ADGRF5: variants seen among roughly 807,000 people sequenced by gnomAD.
ADGRF5 encodes adhesion G protein-coupled receptor F5, also known as G-protein coupled receptor 116.
Under a neutral mutation model 132.3 loss-of-function variants are expected in ADGRF5, and 75 were observed. The observed-to-expected ratio is 0.57, with a 90% confidence interval of 0.47 to 0.69. The LOEUF (loss-of-function observed/expected upper bound fraction) is 0.69. Among genes scored for constraint, ADGRF5 ranks in the 30% least tolerant of loss-of-function variants. ADGRF5 has a pLI of 0.00. For synonymous variants in ADGRF5, 629 were observed against 597.6 expected, an observed-to-expected ratio of 1.05 and a Z score of -0.77; for missense variants, 1,516 against 1,630.6, an observed-to-expected ratio of 0.93 and a Z score of 1.21.
intron 9 of ADGRF5, among the ~76,000 whole-genome samples, chr6:46,879,454 C>G (rs966213865): frequency 6.6e-6 from 1 of 151,908 alleles, no homozygotes; most frequent in Non-Finnish European, 1.5e-5. Flanking sequence ...GGTTTAAAAC[C>G]AGATGTTTGA....
intron 1 of ADGRF5, among the ~76,000 whole-genome samples, chr6:46,918,211 T>C (rs570070324): frequency 2.0e-5 from 3 of 152,320 alleles, no homozygotes; most frequent in South Asian, 2.1e-4. Context: ...TTAGCTAATA[T>C]GTATATTTAA....
At chr6:46,947,948 T>C (rs954522048) in intron 1 of ADGRF5, among the ~76,000 whole-genome samples, 2 of 152,086 alleles carry the variant, frequency 1.3e-5, no homozygotes, top group East Asian at 1.9e-4. Flanking sequence ...GGGGTGGTGA[T>C]GGGGCTGTGG....
At position 46,856,900 on chromosome 6, in the gene ADGRF5, G is replaced by A. The variant is rs1191692851; in HGVS notation, c.3783C>T (p.Phe1261=). The A allele has an allele frequency of 2.5e-6, 4 of 1,605,812 alleles. No individual in the cohort carries two copies. Among genetic ancestry groups the A allele is most frequent in the Non-Finnish European group, 3.4e-6 (4 of 1,174,512 alleles). The change falls in exon 18 of 21, where the codon TTC becomes TTT. Residue 1261 remains phenylalanine (F), a synonymous_variant. Transcript: ENST00000283296. ...CCCAGAGGCATCCAAAGAGTAAAATGAATAATCCCTGAGAAAAAAAAGATT... is the reference window on the plus strand; with the variant it reads ...CCCAGAGGCATCCAAAGAGTAAAATAAATAATCCCTGAGAAAAAAAAGATT... ...FAILNVFQGL[F]ILLFGCLWDL...
chr6:46,875,313 C>A (rs1255040541), intron 10 of ADGRF5, among the ~76,000 whole-genome samples: 1 of 152,168 alleles, frequency 6.6e-6, no homozygotes, highest in African/African-American at 2.4e-5. Flanking sequence ...GTACTGAATG[C>A]AGCTAATAAG....
In ADGRF5 at chr6:46,868,851, C is replaced by T. The variant is rs372458817; in HGVS notation, c.1621+32G>A. 26 of 1,384,402 alleles carry T rather than the reference C, an allele frequency of 1.9e-5. No individual in the cohort carries two copies. In the African/African-American group the frequency reaches 2.1e-4, roughly 11 times the overall value. 85.8% of individuals were successfully genotyped at this position (1,384,402 alleles called of 1,614,324 possible). ...TATTGCATGTTTCCAAGAGCCCAGG[C>T]AGCACAATACGGTGTCCGGCCTTTC... On this transcript the variant is annotated intron_variant, in intron 12 of 20. Coordinates refer to ENST00000283296, the MANE Select transcript of ADGRF5 (RefSeq NM_001098518.2).
rs1768741728 is a variant in ADGRF5, at chr6:46,853,885, C to T, written c.*107G>A. The T allele has an allele frequency of 8.2e-6, 6 of 732,164 alleles. No homozygotes were observed. Among genetic ancestry groups the T allele is most frequent in the South Asian group, 1.7e-5 (1 of 59,310 alleles). The allele number at this position is 732,164 out of a possible 1,614,324, so 45.4% of individuals were successfully genotyped here. A position where few individuals can be genotyped will look rare whatever the true frequency, so the allele number is the denominator to read the frequency against. ...TGAAAAAGTCTTTTTGGCATCTGCT[C>T]CCGGAAACCTGCCCCGAGAACACGT... On this transcript the variant is annotated 3_prime_UTR_variant, in exon 21 of 21. Coordinates refer to ENST00000283296, the MANE Select transcript of ADGRF5 (RefSeq NM_001098518.2).
intron 11 of ADGRF5, among the ~76,000 whole-genome samples, chr6:46,871,466 A>G (rs1172701855): frequency 6.6e-6 from 1 of 152,112 alleles, no homozygotes; most frequent in Non-Finnish European, 1.5e-5. Flanking sequence ...CAAGAATGGG[A>G]GAATGAAGTA....
intron 16 of ADGRF5, 99 bp downstream of exon 16, chr6:46,860,606 TGGAAAAGACA>T: frequency 1.3e-6 from 1 of 743,282 alleles, no homozygotes; most frequent in Non-Finnish European, 2.3e-6. Flanking sequence ...AGCACTGCTC[TGGAAAAGACA>T]GAGAAGCTGC....
At chr6:46,888,601 C>T (rs766377194) in intron 3 of ADGRF5, 96 bp from the exon 4 acceptor site, 12 of 816,196 alleles carry the variant, frequency 1.5e-5, no homozygotes, top group Non-Finnish European at 2.3e-5. Context: ...ATGACAGGTA[C>T]ATGTGAATGG....
intron 1 of ADGRF5, among the ~76,000 whole-genome samples, chr6:46,911,827 G>A (rs906537576): frequency 2.0e-5 from 3 of 151,954 alleles, no homozygotes; most frequent in Admixed American, 6.6e-5. Context: ...ACAAGACAAC[G>A]GTCCCTGTCT....
chr6:46,948,955 C>T (rs1208074408), intron 1 of ADGRF5, among the ~76,000 whole-genome samples: 1 of 152,154 alleles, frequency 6.6e-6, no homozygotes, highest in Admixed American at 6.5e-5. Context: ...GAGGAAATTC[C>T]CAGGGCCATG....
chr6:46,883,618 C>G lies in ADGRF5; in HGVS notation c.553G>C (p.Asp185His), dbSNP rs1772733145. 1 of 1,606,038 alleles carries G rather than the reference C, an allele frequency of 6.2e-7. No individual in the cohort carries two copies. ...RVRLNVGFQE[D>H]LMNTSSALYR... is the part of the protein sequence containing the mutation. Reference sequence around the variant, plus strand: ...AGGGCGGAGGAAGTGTTCATGAGGTCTTCTTGAAAGCCTACATTTAGTCTG... The same window carrying G: ...AGGGCGGAGGAAGTGTTCATGAGGTGTTCTTGAAAGCCTACATTTAGTCTG... Residue 185 changes from aspartate to histidine, a missense_variant, in exon 6 of 21, where the codon GAC becomes CAC. By Grantham distance (81) the Asp-to-His change is moderately conservative. Coordinates refer to ENST00000283296, the MANE Select transcript of ADGRF5 (RefSeq NM_001098518.2).
At chr6:46,925,841 A>C (rs968726334), upstream of ADGRF5, among the ~76,000 whole-genome samples, 1 of 152,250 alleles carries the variant, frequency 6.6e-6, no homozygotes. Context: ...TGGCCAGCAT[A>C]GCTAAAGTAC....
At chr6:46,952,739 G>A (rs539558410) in intron 1 of ADGRF5, among the ~76,000 whole-genome samples, 32 of 152,322 alleles carry the variant, frequency 2.1e-4, no homozygotes, top group African/African-American at 7.7e-4. Context: ...TTGAGCAGAA[G>A]CTATGTGCCC....
chr6:46,861,372 G>A (rs1769727973), intron 15 of ADGRF5, among the ~76,000 whole-genome samples: 1 of 152,082 alleles, frequency 6.6e-6, no homozygotes, highest in South Asian at 2.1e-4. Context: ...TTCTCAAAAT[G>A]TGTCCCGACT....
At position 46,859,047 on chromosome 6, in the gene ADGRF5, C is replaced by T. The variant is rs768306801; in HGVS notation, c.2856G>A (p.Thr952=). The T allele has an allele frequency of 2.0e-5, 32 of 1,614,064 alleles. No homozygotes were observed. Among genetic ancestry groups the T allele is most frequent in the South Asian group, 1.8e-4 (16 of 91,084 alleles). The change falls in exon 17 of 21, where the codon ACG becomes ACA. Residue 952 remains threonine, a synonymous_variant. Coordinates refer to ENST00000283296, the MANE Select transcript of ADGRF5 (RefSeq NM_001098518.2). Reference sequence around the variant, plus strand: ...GCCTGAAGTTCCAGAAGACACACTTCGTTTCGCCGCCTGAAGGGCTATTGT... The same window carrying T: ...GCCTGAAGTTCCAGAAGACACACTTTGTTTCGCCGCCTGAAGGGCTATTGT... ...FKNNSPSGGE[T]KCVFWNFRLA...
chr6:46,860,986 C>A, intron 15 of ADGRF5, 92 bp from the exon 16 acceptor site: 1 of 947,002 alleles, frequency 1.1e-6, no homozygotes. Flanking sequence ...TCTCTCACAT[C>A]CGTTGTTTCC....
chr6:46,882,141 A>T (rs771106548), intron 6 of ADGRF5, 34 bp from the exon 7 acceptor site: 4 of 1,431,080 alleles, frequency 2.8e-6, no homozygotes, highest in Non-Finnish European at 3.9e-6. Flanking sequence ...GTCATATATC[A>T]AAGTCGAGAA....
intron 1 of ADGRF5, among the ~76,000 whole-genome samples, chr6:46,948,807 A>T (rs945477266): frequency 3.3e-5 from 5 of 152,160 alleles, no homozygotes; most frequent in African/African-American, 1.2e-4. Flanking sequence ...TCTTGACCCC[A>T]GCCCTCAAGA....
Sources: gnomAD v4.1 joint callset for allele counts (sites outside exome capture counted in the v4.1 genomes callset) on GRCh38, gnomAD v4.1.1 for gene constraint, MANE v1.5 for transcripts, NCBI Gene and HGNC (gene_info 2026-07-23, HGNC 2026-07-21) for gene names.